Variants in UVSSA observed in about 807,000 individuals in gnomAD.
UVSSA encodes the protein UV stimulated scaffold protein A.
A neutral mutation model predicts 73.9 loss-of-function variants in UVSSA; 72 were observed. The ratio of observed to expected loss-of-function variants is 0.97; its 90% confidence interval spans 0.81 to 1.19. UVSSA has a LOEUF of 1.19. Among genes scored for constraint, UVSSA ranks in the 50% most tolerant of loss-of-function variants. The pLI is 0.00. For missense variants in UVSSA, 1,150 were observed against 965.0 expected (o/e 1.19, Z -2.54); for synonymous variants, 454 against 391.3 (o/e 1.16, Z -1.89).
downstream of UVSSA, chr4:1,389,758 C>T (rs1378675153): frequency 1.3e-5 from 2 of 152,194 alleles, no homozygotes; most frequent in African/African-American, 2.4e-5. Context: ...CTCCTGGCCT[C>T]AAGTGACCCT....
chr4:1,395,357 A>G (rs763178712), exon 14 of UVSSA: 1 of 1,496,100 alleles, frequency 6.7e-7, no homozygotes. Context: ...CCGCCTGCTC[A>G]CATGTGCCGA....
rs1390719134 is a variant in UVSSA, at chr4:1,366,284, C to T, written c.1177-36C>T. On this transcript the variant is annotated intron_variant, in intron 7 of 13. Coordinates refer to ENST00000389851, the MANE Select transcript of UVSSA (RefSeq NM_020894.4). ...CGGGAGCTGTGTTCATACACAGGGT[C>T]TGGGGGTTGATTTGTATTGGGGTGT... 5 of 1,540,270 alleles carry T rather than the reference C, an allele frequency of 3.2e-6. 1 individual carries two copies. In the East Asian group the frequency reaches 6.8e-5, roughly 21 times the overall value.
intron 5 of UVSSA, 29 bp downstream of exon 5, chr4:1,353,442 G>T (rs376465232): frequency 1.4e-6 from 2 of 1,453,070 alleles, no homozygotes; most frequent in East Asian, 2.5e-5. Context: ...TCTCTGTGGC[G>T]CCACCCTGCC....
In UVSSA at chr4:1,349,678, G is replaced by A. The variant is rs1714372187; in HGVS notation, c.253G>A (p.Glu85Lys). ...GATGCTGGTTGTTTCCAACTTCCAG[G>A]AGTTCCTGGAGCTCACGCTGGGCAC... Reference protein sequence around the residue: ...FRMLVVSNFQEFLELTLGTDP... With the variant: ...FRMLVVSNFQKFLELTLGTDP... Residue 85 changes from glutamate to lysine, a missense_variant, in exon 3 of 14, where the codon GAG (glutamate) becomes AAG (lysine). By Grantham distance (56) the Glu-to-Lys change is moderately conservative. Transcript: ENST00000389851. The A allele has an allele frequency of 2.5e-6, 4 of 1,613,858 alleles. No individual in the cohort carries two copies. The highest frequency in any genetic ancestry group is 3.4e-6 in the Non-Finnish European group (4 of 1,179,990).
At chr4:1,393,968 G>A (rs1179566170) in exon 14 of UVSSA, 2 of 201,526 alleles carry the variant, frequency 9.9e-6, no homozygotes, top group South Asian at 8.8e-5. Flanking sequence ...AACTCTCACG[G>A]TTCTGCCGAC....
Position 1,380,248 on chromosome 4 carries a change from G to A in UVSSA, c.1752+18G>A. On this transcript the variant is annotated intron_variant, in intron 11 of 13. Coordinates refer to ENST00000389851, the MANE Select transcript of UVSSA (RefSeq NM_020894.4). ...GGCTGAAGGTGAGGCCGTGGCCCGA[G>A]GGCGGGGGTGGGTGTGGGCTGGACC... 1 of 1,601,918 alleles carries A rather than the reference G, an allele frequency of 6.2e-7. No homozygotes were observed. Among genetic ancestry groups the A allele is most frequent in the Middle Eastern group, 1.8e-4 (1 of 5,606 alleles).
intron 7 of UVSSA, among the ~76,000 whole-genome samples, chr4:1,355,543 C>G (rs181120839): frequency 1.4e-4 from 22 of 152,210 alleles, no homozygotes; most frequent in Middle Eastern, 3.2e-3. Context: ...GGCTGTCCCC[C>G]CCGTGACTCC....
exon 14 of UVSSA, chr4:1,395,939 C>G (rs1720542608): frequency 5.2e-6 from 8 of 1,539,034 alleles, no homozygotes; most frequent in Non-Finnish European, 7.0e-6. Flanking sequence ...CTTTTCGTAT[C>G]AGACCTTTTA....
chr4:1,376,073 G>T lies in UVSSA; in HGVS notation c.1473G>T (p.Lys491Asn). Reference sequence around the variant, plus strand: ...TGCCAGAGCCACAGGAGGCCCAGAAGCTGGCAGCAGAGCGGGCCCGGGCGC... The same window carrying T: ...TGCCAGAGCCACAGGAGGCCCAGAATCTGGCAGCAGAGCGGGCCCGGGCGC... Reference protein sequence around the residue: ...RALPEPQEAQKLAAERARAPV... With the variant: ...RALPEPQEAQNLAAERARAPV... Residue 491 changes from lysine (K) to asparagine (N), a missense_variant, in exon 10 of 14, where the codon AAG (lysine) becomes AAT (asparagine). Coordinates refer to ENST00000389851, the MANE Select transcript of UVSSA (RefSeq NM_020894.4). 1.2e-6 allele frequency: 2 copies of T among 1,602,012 alleles called. No individual in the cohort carries two copies. Among genetic ancestry groups the T allele is most frequent in the Non-Finnish European group, 1.7e-6 (2 of 1,174,950 alleles).
intron 7 of UVSSA, chr4:1,357,926 G>C (rs1716027680): frequency 6.6e-6 from 1 of 152,490 alleles, no homozygotes; most frequent in Non-Finnish European, 1.5e-5. Context: ...ACGGCCGCCT[G>C]AAGGACCCCA....
chr4:1,358,989 G>A (rs988618580), intron 7 of UVSSA: 2 of 152,370 alleles, frequency 1.3e-5, no homozygotes, highest in Non-Finnish European at 2.9e-5. Flanking sequence ...TGCTGTCTCC[G>A]GCCGGTGCTC....
intron 7 of UVSSA, 57 bp from the exon 8 acceptor site, chr4:1,366,263 A>T: frequency 1.5e-6 from 2 of 1,346,102 alleles, no homozygotes; most frequent in Non-Finnish European, 2.1e-6. Context: ...GCCCACCGGG[A>T]GCTGTGTTCA....
rs1202502944 is a variant in UVSSA, at chr4:1,354,844, C to T, written c.1044C>T (p.Ile348=). ...NKFLPAVCSW[I]QRFTRVGTHG... ...TCCTGCCGGCTGTGTGCTCGTGGATCCAGGTGAGCCTCGAACCTGGGACCT... is the reference window on the plus strand; with the variant it reads ...TCCTGCCGGCTGTGTGCTCGTGGATTCAGGTGAGCCTCGAACCTGGGACCT... Residue 348 remains isoleucine (I), a synonymous_variant, in exon 6 of 14, where the codon ATC becomes ATT. Coordinates refer to ENST00000389851, the MANE Select transcript of UVSSA (RefSeq NM_020894.4). The T allele has an allele frequency of 6.2e-7, 1 of 1,606,328 alleles. No individual in the cohort carries two copies. The highest frequency in any genetic ancestry group is 8.5e-7 in the Non-Finnish European group (1 of 1,177,854).
intron 4 of UVSSA, among the ~76,000 whole-genome samples, chr4:1,352,378 C>G (rs1234589219): frequency 6.6e-6 from 1 of 152,230 alleles, no homozygotes; most frequent in African/African-American, 2.4e-5. Flanking sequence ...GGTGTGGGAC[C>G]TGCCACAGGC....
chr4:1,358,539 T>C (rs1716137040), intron 7 of UVSSA: 1 of 152,234 alleles, frequency 6.6e-6, no homozygotes, highest in Non-Finnish European at 1.5e-5. Context: ...GGAGATGAAG[T>C]GATTGGCGGG....
chr4:1,348,073 GC>G lies in UVSSA; in HGVS notation c.-2-15del, dbSNP rs1560413799. On this transcript the variant is annotated splice_polypyrimidine_tract_variant and intron_variant, in intron 1 of 13. Coordinates refer to ENST00000389851, the MANE Select transcript of UVSSA (RefSeq NM_020894.4). ...ATACAGATGGTGATATAGCATCTCT[GC>G]CTTACTTATTTCTAGATATGGATCA... 1.9e-6 allele frequency: 3 copies of G among 1,588,942 alleles called. No individual in the cohort carries two copies. Among genetic ancestry groups the G allele is most frequent in the Non-Finnish European group, 2.6e-6 (3 of 1,157,792 alleles).
intron 7 of UVSSA, among the ~76,000 whole-genome samples, chr4:1,363,406 G>A (rs555670240): frequency 3.9e-5 from 6 of 152,302 alleles, no homozygotes; most frequent in South Asian, 4.1e-4. Context: ...TATTTTTTAG[G>A]AAATGAAAAT....
chr4:1,343,070 A>G (rs1416295323), upstream of UVSSA, among the ~76,000 whole-genome samples: 1 of 152,150 alleles, frequency 6.6e-6, no homozygotes, highest in Non-Finnish European at 1.5e-5. Flanking sequence ...TGAACCTATC[A>G]TCCCTATTTG....
In UVSSA at chr4:1,395,349, G is replaced by A. The variant is rs199648929; in HGVS notation, c.*9388G>A. On this transcript the variant is annotated 3_prime_UTR_variant, in exon 14 of 14. Coordinates refer to the UVSSA transcript ENST00000511216. The stretch of plus-strand genomic sequence containing the variant: ...GCTCACGTGCCGATGTGGGGTGCCC[G>A]CCTGCTCACATGTGCCGATGTGGAG... The A allele has an allele frequency of 6.1e-5, 93 of 1,533,388 alleles. 2 individuals are homozygous for A. In the Middle Eastern group the frequency reaches 9.2e-4, roughly 15 times the overall value. The allele number at this position is 1,533,388 out of a possible 1,614,324, so 95.0% of individuals were successfully genotyped here.
Sources: allele counts gnomAD v4.1 joint callset (sites outside exome capture counted in the v4.1 genomes callset), GRCh38; gene constraint gnomAD v4.1.1; transcripts MANE v1.5; gene names NCBI Gene and HGNC (gene_info 2026-07-23, HGNC 2026-07-21).